The following AGBL4 variants were observed in gnomAD, a reference collection of about 807,000 sequenced individuals.
The protein encoded by AGBL4 is cytosolic carboxypeptidase 6.
AGBL4 carries 58 observed loss-of-function variants against 66.4 expected under a neutral mutation model. The ratio of observed to expected loss-of-function variants is 0.87; its 90% CI spans 0.71 to 1.09. The LOEUF is 1.09. AGBL4 is among the 50% of genes least tolerant of loss of function. AGBL4 has a pLI of 0.00. For missense variants in AGBL4, 579 were observed against 631.0 expected (o/e 0.92, Z 0.88); for synonymous variants, 234 against 222.9 (o/e 1.05, Z -0.44).
intron 4 of AGBL4, among the ~76,000 whole-genome samples, chr1:49,196,313 G>A (rs1647252766): frequency 6.6e-6 from 1 of 152,050 alleles, no homozygotes; most frequent in African/African-American, 2.4e-5. Context: ...GTCTAAGTCT[G>A]CATTTTGTAA....
chr1:49,067,680 T>C (rs949035740), intron 4 of AGBL4, among the ~76,000 whole-genome samples: 3 of 152,150 alleles, frequency 2.0e-5, no homozygotes, highest in Non-Finnish European at 4.4e-5. Flanking sequence ...TTCACAGCAC[T>C]CATCACCATT....
intron 1 of AGBL4, among the ~76,000 whole-genome samples, chr1:49,878,289 G>T (rs1396024663): frequency 1.3e-5 from 2 of 149,222 alleles, no homozygotes; most frequent in African/African-American, 2.5e-5. Context: ...TTTCTCTTGT[G>T]GGCATTTAGT....
At chr1:48,848,064 A>G (rs1646958203) in intron 6 of AGBL4, among the ~76,000 whole-genome samples, 1 of 152,114 alleles carries the variant, frequency 6.6e-6, no homozygotes, top group African/African-American at 2.4e-5. Flanking sequence ...TAAATCCATT[A>G]TGTTCCTTCA....
rs779216654 is a variant in AGBL4 at position 48,759,207 on chromosome 1, G to A, written c.635-95966C>T. On this transcript the variant is annotated intron_variant, in intron 6 of 13. Coordinates refer to ENST00000371839, the MANE Select transcript of AGBL4 (RefSeq NM_032785.4). ...ACGTGCTATGGCCCAGGCTCAGGCC[G>A]TTCTGCTTCTCTAGCCGAGCCACCA... The A allele has an allele frequency of 3.9e-5, 62 of 1,609,256 alleles. No homozygotes were observed. The East Asian group carries it at 5.2e-4, about 13-fold the overall frequency.
chr1:49,111,622 T>C (rs1218302953), intron 4 of AGBL4, among the ~76,000 whole-genome samples: 1 of 152,248 alleles, frequency 6.6e-6, no homozygotes, highest in Non-Finnish European at 1.5e-5. Flanking sequence ...CTAAACATGA[T>C]AAGTTATAAT....
chr1:49,090,456 G>C (rs1414459107), intron 4 of AGBL4, among the ~76,000 whole-genome samples: 2 of 151,976 alleles, frequency 1.3e-5, no homozygotes, highest in African/African-American at 2.4e-5. Flanking sequence ...TCCAAGCTGA[G>C]AACCAAATCA....
At chr1:49,308,437 A>C (rs972945845) in intron 3 of AGBL4, among the ~76,000 whole-genome samples, 6 of 152,104 alleles carry the variant, frequency 3.9e-5, no homozygotes, top group African/African-American at 1.4e-4. Context: ...GGAAGAGGCA[A>C]AATGCAAGGA....
At chr1:49,901,160 T>A (rs1649731402) in intron 1 of AGBL4, among the ~76,000 whole-genome samples, 1 of 152,148 alleles carries the variant, frequency 6.6e-6, no homozygotes, top group African/African-American at 2.4e-5. Context: ...ATCACCACTC[T>A]TATTCACCAT....
intron 2 of AGBL4, among the ~76,000 whole-genome samples, chr1:49,764,518 G>A (rs1039117745): frequency 6.6e-6 from 1 of 152,182 alleles, no homozygotes; most frequent in Admixed American, 6.5e-5. Context: ...CTTTGGGCTG[G>A]CCTGACCACA....
intron 5 of AGBL4, among the ~76,000 whole-genome samples, chr1:48,870,421 G>A (rs1648538602): frequency 6.6e-6 from 1 of 152,032 alleles, no homozygotes; most frequent in Non-Finnish European, 1.5e-5. Flanking sequence ...CCAGAACAAA[G>A]GTCTGGAAGG....
Position 49,681,363 on chromosome 1 carries a change from C to T in AGBL4, c.282+15950G>A, listed in dbSNP as rs1439403478. Among the ~76,000 whole-genome samples the T allele has an allele frequency of 2.6e-5, 4 of 152,116 alleles. No individual in the cohort carries two copies. In the East Asian group the frequency reaches 7.7e-4, roughly 29 times the overall value. On this transcript the variant is annotated intron_variant, in intron 3 of 13. Transcript: ENST00000371839. ...TTAGCAGTGTTCTTTTAACATTGTT[C>T]TAGAAGAAAAGGGGAGGTTACCTCA...
chr1:49,699,564 A>T (rs1647048784), intron 2 of AGBL4, among the ~76,000 whole-genome samples: 1 of 152,050 alleles, frequency 6.6e-6, no homozygotes. Flanking sequence ...TTATATGTAA[A>T]TGGATTAAAA....
At chr1:49,654,406 T>C (rs1354749904) in intron 3 of AGBL4, among the ~76,000 whole-genome samples, 1 of 152,196 alleles carries the variant, frequency 6.6e-6, no homozygotes, top group East Asian at 1.9e-4. Flanking sequence ...TTCTGTTGAT[T>C]TGGGGTGGAG....
intron 5 of AGBL4, among the ~76,000 whole-genome samples, chr1:48,950,790 T>C (rs12091032): frequency 0.18 from 26,698 of 152,110 alleles, 4,650 homozygotes; most frequent in African/African-American, 0.45. Flanking sequence ...CACAATCTTA[T>C]AATCTGCCCT....
chr1:49,598,576 G>T (rs1644894620), intron 3 of AGBL4, among the ~76,000 whole-genome samples: 1 of 152,088 alleles, frequency 6.6e-6, no homozygotes, highest in East Asian at 1.9e-4. Flanking sequence ...TCCTCTGGAA[G>T]TTTTGTCTCA....
At chr1:49,935,392 A>G (rs1653869485) in intron 1 of AGBL4, among the ~76,000 whole-genome samples, 1 of 152,172 alleles carries the variant, frequency 6.6e-6, no homozygotes, top group Non-Finnish European at 1.5e-5. Flanking sequence ...TGTAGGCTCC[A>G]CCTCTGGGGG....
intron 1 of AGBL4, among the ~76,000 whole-genome samples, chr1:49,885,506 T>TA (rs201967390): frequency 5.1e-4 from 76 of 149,804 alleles, no homozygotes; most frequent in African/African-American, 1.5e-3. Flanking sequence ...CCCTAAACAT[T>TA]AAAAAAAAAA....
chr1:49,322,717 C>T (rs1645152819), intron 3 of AGBL4, among the ~76,000 whole-genome samples: 2 of 152,328 alleles, frequency 1.3e-5, no homozygotes, highest in South Asian at 4.1e-4. Context: ...TCTCTTACAG[C>T]TTCCAGAACA....
intron 11 of AGBL4, among the ~76,000 whole-genome samples, chr1:48,579,354 A>G (rs1394388366): frequency 6.6e-6 from 1 of 151,712 alleles, no homozygotes; most frequent in African/African-American, 2.4e-5. Context: ...CAGCCTCCCA[A>G]GTAGCTGGGA....
Sources: gnomAD v4.1 joint callset for allele counts (sites outside exome capture counted in the v4.1 genomes callset) on GRCh38, gnomAD v4.1.1 for gene constraint, MANE v1.5 for transcripts, NCBI Gene and HGNC (gene_info 2026-07-23, HGNC 2026-07-21) for gene names.